CLIC2: variants seen among roughly 807,000 people sequenced by gnomAD.
The protein encoded by CLIC2 is chloride intracellular channel protein 2.
A neutral mutation model predicts 14.8 loss-of-function variants in CLIC2; 9 were observed. The observed-to-expected ratio is 0.61, with a 90% CI of 0.37 to 1.06. CLIC2 has a LOEUF of 1.06. CLIC2 is among the 50% of genes least tolerant of loss of function. The pLI is 0.01. For synonymous variants in CLIC2, 61 were observed against 66.3 expected, an observed-to-expected ratio of 0.92 and a Z score of 0.39; for missense variants, 148 against 181.4, an observed-to-expected ratio of 0.82 and a Z score of 1.06.
At chrX:155,327,139 A>G (rs925771284) in intron 1 of CLIC2, among the ~76,000 whole-genome samples, 1 of 111,616 alleles carries the variant, frequency 9.0e-6, no homozygotes, top group Non-Finnish European at 1.9e-5. Context: ...ATCTTCAACT[A>G]TCTCAACATA....
intron 1 of CLIC2, among the ~76,000 whole-genome samples, chrX:155,302,864 T>C (rs1364182636): frequency 7.5e-5 from 6 of 79,927 alleles, no homozygotes; most frequent in African/African-American, 2.7e-4. Flanking sequence ...GAGCAGGTTG[T>C]TCAGTTTCCA....
At chrX:155,298,174 T>C (rs2075001001) in intron 3 of CLIC2, among the ~76,000 whole-genome samples, 1 of 111,378 alleles carries the variant, frequency 9.0e-6, no homozygotes, top group Non-Finnish European at 1.9e-5. Context: ...CAGAGGACCT[T>C]AGCAGGCTAT....
chrX:155,297,998 C>T (rs2075000229), intron 3 of CLIC2, among the ~76,000 whole-genome samples: 1 of 108,863 alleles, frequency 9.2e-6, no homozygotes, highest in South Asian at 4.0e-4. Context: ...TGAATGCCAA[C>T]CCAACCCCAA....
chrX:155,331,186 G>A (rs916740447), intron 1 of CLIC2, among the ~76,000 whole-genome samples: 3 of 110,800 alleles, frequency 2.7e-5, no homozygotes, highest in African/African-American at 9.8e-5. Context: ...AAGGGTGGGA[G>A]GCAGGAAGAA....
chrX:155,277,891 G>C lies in CLIC2; in HGVS notation c.*12C>G. ...GATCACAAATATAGCCTTGTCTCCT[G>C]TAAGAGCTCTCCTAACTCTTCTGTT... On this transcript the variant is annotated 3_prime_UTR_variant, in exon 6 of 6. Transcript: ENST00000369449. The C allele has an allele frequency of 8.4e-7, 1 of 1,197,258 alleles. No homozygotes were observed. The highest frequency in any genetic ancestry group is 1.1e-6 in the Non-Finnish European group (1 of 882,676).
At chrX:155,305,334 T>C (rs1251158034) in intron 1 of CLIC2, among the ~76,000 whole-genome samples, 2 of 112,278 alleles carry the variant, frequency 1.8e-5, no homozygotes, top group South Asian at 3.7e-4. Context: ...GTGATCCGAT[T>C]TTCCAGGTGC....
At chrX:155,278,583 A>G (rs2074907140) in intron 5 of CLIC2, among the ~76,000 whole-genome samples, 2 of 112,766 alleles carry the variant, frequency 1.8e-5, no homozygotes, top group South Asian at 7.2e-4. Flanking sequence ...ATTCTGTAAA[A>G]TAGGTAATAT....
intron 1 of CLIC2, among the ~76,000 whole-genome samples, chrX:155,309,959 T>C (rs2075068302): frequency 8.9e-6 from 1 of 111,908 alleles, no homozygotes; most frequent in Non-Finnish European, 1.9e-5. Context: ...AAGTCCACAA[T>C]CCAAAGTCTC....
At chrX:155,318,519 C>T (rs938104151) in intron 1 of CLIC2, among the ~76,000 whole-genome samples, 2 of 111,599 alleles carry the variant, frequency 1.8e-5, no homozygotes, top group Non-Finnish European at 3.8e-5. Context: ...AGGTGAAAGA[C>T]CTCTACAAAG....
At position 155,295,328 on chromosome X, in the gene CLIC2, T is replaced by C. The variant is rs1055278448; in HGVS notation, c.293+3457A>G. 2.7e-5 allele frequency among the ~76,000 whole-genome samples: 3 copies of C among 111,213 alleles called. No individual in the cohort carries two copies. In the South Asian group the frequency reaches 1.1e-3, roughly 42 times the overall value. ...GATAAAATTCAACACCCCTTCATGA[T>C]AAAACCTCTCAACAAATGGGGCATA... On this transcript the variant is annotated intron_variant, in intron 3 of 5. Transcript: ENST00000369449.
intron 1 of CLIC2, among the ~76,000 whole-genome samples, chrX:155,324,677 G>T (rs1219131062): frequency 9.0e-6 from 1 of 111,452 alleles, no homozygotes; most frequent in African/African-American, 3.3e-5. Context: ...AAAAACCTAG[G>T]CAATACCATT....
intron 1 of CLIC2, among the ~76,000 whole-genome samples, chrX:155,316,519 T>C (rs2075095751): frequency 9.0e-6 from 1 of 110,889 alleles, no homozygotes; most frequent in Non-Finnish European, 1.9e-5. Context: ...GATTGTTGGG[T>C]CAAAATGAAA....
intron 3 of CLIC2, chrX:155,292,740 A>T (rs782557952): frequency 6.8e-6 from 3 of 441,981 alleles, no homozygotes; most frequent in South Asian, 3.2e-5. Flanking sequence ...ACTGCACTCC[A>T]GCCTGGGCGA....
intron 1 of CLIC2, among the ~76,000 whole-genome samples, chrX:155,302,621 GC>G (rs1350928260): frequency 1.5e-5 from 1 of 67,352 alleles, no homozygotes; most frequent in Non-Finnish European, 3.0e-5. Flanking sequence ...CCTTCTGCTA[GC>G]TTTTGAATGT....
chrX:155,306,294 G>T (rs1035394994), intron 1 of CLIC2, among the ~76,000 whole-genome samples: 2 of 110,929 alleles, frequency 1.8e-5, no homozygotes, highest in Non-Finnish European at 3.8e-5. Context: ...TTAAAAGTAT[G>T]TGGCACCTCC....
intron 1 of CLIC2, among the ~76,000 whole-genome samples, chrX:155,329,253 T>C (rs1557322595): frequency 9.2e-6 from 1 of 108,714 alleles, no homozygotes; most frequent in Non-Finnish European, 1.9e-5. Context: ...AATAACTCTA[T>C]AGGAAAAAAT....
chrX:155,301,238 A>T (rs1180832911), intron 1 of CLIC2, among the ~76,000 whole-genome samples: 4 of 102,341 alleles, frequency 3.9e-5, no homozygotes, highest in East Asian at 6.3e-4. Flanking sequence ...TTTGTTTGTA[A>T]CCTCTTTTAT....
At chrX:155,324,506 A>C (rs1235562791) in intron 1 of CLIC2, among the ~76,000 whole-genome samples, 1 of 111,760 alleles carries the variant, frequency 8.9e-6, no homozygotes, top group East Asian at 2.8e-4. Flanking sequence ...CAAAAACAAG[A>C]AATGGGGAAA....
At chrX:155,325,013 A>G (rs2075131016) in intron 1 of CLIC2, among the ~76,000 whole-genome samples, 1 of 112,418 alleles carries the variant, frequency 8.9e-6, no homozygotes, top group Admixed American at 9.4e-5. Context: ...ATAAAAGCTA[A>G]TCATCACTGA....
Sources: gnomAD v4.1 joint callset for allele counts (sites outside exome capture counted in the v4.1 genomes callset) on GRCh38, gnomAD v4.1.1 for gene constraint, MANE v1.5 for transcripts, NCBI Gene and HGNC (gene_info 2026-07-23, HGNC 2026-07-21) for gene names.